TMEM117: variants seen among roughly 807,000 people sequenced by gnomAD.
The protein encoded by TMEM117 is transmembrane protein 117.
A neutral mutation model predicts 52.4 loss-of-function variants in TMEM117; 27 were observed. The ratio of observed to expected loss-of-function variants is 0.51; its 90% CI spans 0.38 to 0.71. The LOEUF is 0.71. TMEM117 is among the 30% of genes least tolerant of loss of function. The pLI is 0.00. For missense variants in TMEM117, 556 were observed against 630.5 expected (o/e 0.88, Z 1.26); for synonymous variants, 215 against 206.3 (o/e 1.04, Z -0.36).
At chr12:44,076,562 TGTAA>T (rs1947385719) in intron 3 of TMEM117, among the ~76,000 whole-genome samples, 1 of 152,226 alleles carries the variant, frequency 6.6e-6, no homozygotes, top group Admixed American at 6.5e-5. Context: ...CTATTTAGCA[TGTAA>T]GTGAGATATT....
At chr12:43,891,190 C>T (rs12581313) in intron 2 of TMEM117, among the ~76,000 whole-genome samples, 4 of 151,700 alleles carry the variant, frequency 2.6e-5, no homozygotes, top group Admixed American at 6.6e-5. Flanking sequence ...TACCATTTGA[C>T]GAGTATTTGT....
the TMEM117 span, chr12:43,806,120 A>G: frequency 6.6e-7 from 1 of 1,524,724 alleles, no homozygotes; most frequent in Non-Finnish European, 8.8e-7. Flanking sequence ...CGACTTCCGG[A>G]GCTCCCGGCC....
chr12:44,050,584 G>A (rs936099101), intron 3 of TMEM117, among the ~76,000 whole-genome samples: 3 of 152,140 alleles, frequency 2.0e-5, no homozygotes, highest in Non-Finnish European at 4.4e-5. Flanking sequence ...CAGCTCTCTC[G>A]ACTCTGCCTC....
At chr12:44,353,618 A>G (rs1265731846) in intron 6 of TMEM117, among the ~76,000 whole-genome samples, 33 of 151,994 alleles carry the variant, frequency 2.2e-4, no homozygotes, top group Non-Finnish European at 3.5e-4. Context: ...GATATGTGGC[A>G]TTATTTCTGA....
At chr12:44,133,691 A>C (rs1948448418) in intron 3 of TMEM117, among the ~76,000 whole-genome samples, 2 of 152,250 alleles carry the variant, frequency 1.3e-5, no homozygotes, top group Admixed American at 1.3e-4. Context: ...GCATTTGATG[A>C]TGATGAGGCT....
intron 7 of TMEM117, among the ~76,000 whole-genome samples, chr12:44,381,898 T>A (rs1952026347): frequency 1.3e-5 from 2 of 152,126 alleles, no homozygotes; most frequent in Admixed American, 1.3e-4. Context: ...AGCAGAATGT[T>A]CTGTCTGGCA....
chr12:43,832,460 G>A (rs1942988461), upstream of TMEM117, among the ~76,000 whole-genome samples: 1 of 152,212 alleles, frequency 6.6e-6, no homozygotes, highest in Non-Finnish European at 1.5e-5. Flanking sequence ...TCTGTGAACA[G>A]ATTTCAGTGA....
At chr12:44,382,565 C>T (rs1369295912) in intron 7 of TMEM117, among the ~76,000 whole-genome samples, 1 of 152,160 alleles carries the variant, frequency 6.6e-6, no homozygotes, top group Admixed American at 6.5e-5. Flanking sequence ...GAACACGACA[C>T]AGTTCCCAAT....
chr12:44,161,830 T>C (rs760073640), intron 4 of TMEM117, among the ~76,000 whole-genome samples: 1 of 152,174 alleles, frequency 6.6e-6, no homozygotes, highest in African/African-American at 2.4e-5. Context: ...TTTTATTACA[T>C]GGATAGGTGT....
intron 3 of TMEM117, among the ~76,000 whole-genome samples, chr12:43,952,638 A>T (rs1945242688): frequency 1.3e-5 from 2 of 152,180 alleles, no homozygotes; most frequent in African/African-American, 4.8e-5. Flanking sequence ...GAATTATGGG[A>T]CTATGTAAAA....
At position 44,311,857 on chromosome 12, in the gene TMEM117, GTA is replaced by G. The variant is rs1365671257; in HGVS notation, c.768+12126_768+12127del. Among the ~76,000 whole-genome samples, 76 of 106,694 alleles carry G rather than the reference GTA, an allele frequency of 7.1e-4. 2 individuals carry two copies. Among genetic ancestry groups the G allele is most frequent in the African/African-American group, 2.8e-3 (52 of 18,452 alleles). The allele number at this position is 106,694 out of a possible 152,430, so 70.0% of individuals were successfully genotyped here. On this transcript the variant is annotated intron_variant, in intron 6 of 7. Coordinates refer to ENST00000266534, the MANE Select transcript of TMEM117 (RefSeq NM_032256.3). Reference sequence around the variant, plus strand: ...TATATATGTATATATATGTATATATGTATATATATGTATATATATGTATATAT... The same window carrying G: ...TATATATGTATATATATGTATATATGTATATATGTATATATATGTATATAT...
chr12:43,797,420 C>A, the TMEM117 span: 1 of 1,594,832 alleles, frequency 6.3e-7, no homozygotes, highest in East Asian at 2.2e-5. Flanking sequence ...TTGTGTTGGC[C>A]AAAATTATAA....
At chr12:43,797,774 G>A in the TMEM117 span, 2 of 1,613,404 alleles carry the variant, frequency 1.2e-6, no homozygotes, top group Non-Finnish European at 1.7e-6. Context: ...CTCGAGAAAT[G>A]GGAAATGCTA....
chr12:43,995,080 T>C (rs187644035), intron 3 of TMEM117, among the ~76,000 whole-genome samples: 2 of 152,150 alleles, frequency 1.3e-5, no homozygotes, highest in Non-Finnish European at 2.9e-5. Context: ...ATCGAGATCA[T>C]GCTGGCAAAT....
chr12:44,012,869 G>T (rs756095550), intron 3 of TMEM117, among the ~76,000 whole-genome samples: 18 of 152,008 alleles, frequency 1.2e-4, no homozygotes, highest in Non-Finnish European at 2.4e-4. Context: ...TGTTTTCCTT[G>T]TAATTTCTTG....
At chr12:43,826,210 C>A in the TMEM117 span, among the ~76,000 whole-genome samples, 1 of 152,206 alleles carries the variant, frequency 6.6e-6, no homozygotes, top group African/African-American at 2.4e-5. Flanking sequence ...GTGAGTCTAC[C>A]TTGGCTTTCT....
At chr12:43,881,097 C>A (rs1943888385) in intron 2 of TMEM117, among the ~76,000 whole-genome samples, 1 of 152,188 alleles carries the variant, frequency 6.6e-6, no homozygotes, top group African/African-American at 2.4e-5. Flanking sequence ...GTACTATTCA[C>A]TGTTCATCTT....
At chr12:44,065,143 G>T (rs1375877576) in intron 3 of TMEM117, among the ~76,000 whole-genome samples, 1 of 152,176 alleles carries the variant, frequency 6.6e-6, no homozygotes, top group African/African-American at 2.4e-5. Flanking sequence ...CCAGCACTTT[G>T]GGAGGCTGAG....
intron 3 of TMEM117, among the ~76,000 whole-genome samples, chr12:44,041,450 A>C (rs924291851): frequency 1.3e-5 from 2 of 151,884 alleles, no homozygotes; most frequent in Non-Finnish European, 2.9e-5. Context: ...ACTACCTCTC[A>C]GTAATGTTTT....
Sources: allele counts gnomAD v4.1 joint callset (sites outside exome capture counted in the v4.1 genomes callset), GRCh38; gene constraint gnomAD v4.1.1; transcripts MANE v1.5; gene names NCBI Gene and HGNC (gene_info 2026-07-23, HGNC 2026-07-21).